The following NHSL1 variants were observed in gnomAD, a reference collection of about 807,000 sequenced individuals.
The protein encoded by NHSL1 is NHS like 1, also known as NHS-like protein 1.
Under a neutral mutation model 95.0 loss-of-function variants are expected in NHSL1, and 48 were observed. The observed-to-expected ratio is 0.51, with a 90% CI of 0.40 to 0.64. NHSL1 has a LOEUF of 0.64. Among genes scored for constraint, NHSL1 ranks in the 30% least tolerant of loss-of-function variants. NHSL1 has a pLI of 0.00. For missense variants in NHSL1, 1,971 were observed against 2,077.7 expected (o/e 0.95, Z 1.00); for synonymous variants, 783 against 833.9 (o/e 0.94, Z 1.05).
intron 1 of NHSL1, among the ~76,000 whole-genome samples, chr6:138,595,050 C>T (rs1477019370): frequency 2.0e-5 from 3 of 152,320 alleles, no homozygotes; most frequent in South Asian, 2.1e-4. Flanking sequence ...AAATTCAAAA[C>T]CAGAGATTCC....
chr6:138,637,404 T>C (rs1784901577), intron 1 of NHSL1, among the ~76,000 whole-genome samples: 1 of 152,102 alleles, frequency 6.6e-6, no homozygotes, highest in Non-Finnish European at 1.5e-5. Flanking sequence ...TTGGATCACA[T>C]CAAGTTAAAA....
At chr6:138,574,173 C>T (rs1244737784), upstream of NHSL1, among the ~76,000 whole-genome samples, 1 of 152,140 alleles carries the variant, frequency 6.6e-6, no homozygotes, top group South Asian at 2.1e-4. Context: ...CTTTGTGATC[C>T]GCCTGCCTTG....
At chr6:138,590,587 C>A (rs7770857) in intron 1 of NHSL1, among the ~76,000 whole-genome samples, 1 of 152,148 alleles carries the variant, frequency 6.6e-6, no homozygotes. Flanking sequence ...CCAAGCTCCT[C>A]TGCCTTCCAT....
At chr6:138,631,094 G>A (rs1784813280) in intron 1 of NHSL1, among the ~76,000 whole-genome samples, 1 of 152,160 alleles carries the variant, frequency 6.6e-6, no homozygotes, top group Non-Finnish European at 1.5e-5. Flanking sequence ...ACTGAACTCA[G>A]TGCTGCTCTG....
chr6:138,457,595 T>C (rs904191924), intron 3 of NHSL1, among the ~76,000 whole-genome samples: 1 of 152,198 alleles, frequency 6.6e-6, no homozygotes, highest in African/African-American at 2.4e-5. Flanking sequence ...AATACCTCTT[T>C]TAAAGTCAAT....
At chr6:138,493,655 C>T (rs1780197395) in intron 2 of NHSL1, among the ~76,000 whole-genome samples, 2 of 152,248 alleles carry the variant, frequency 1.3e-5, no homozygotes, top group African/African-American at 4.8e-5. Context: ...TAATGAGGCA[C>T]TGCCTCGGGG....
At chr6:138,429,240 A>C (rs1775464168) in intron 7 of NHSL1, among the ~76,000 whole-genome samples, 1 of 152,204 alleles carries the variant, frequency 6.6e-6, no homozygotes, top group African/African-American at 2.4e-5. Flanking sequence ...TAAGCAGCCA[A>C]AGAAATTGCT....
chr6:138,490,527 G>A (rs1187036995), intron 2 of NHSL1, among the ~76,000 whole-genome samples: 1 of 152,216 alleles, frequency 6.6e-6, no homozygotes, highest in Non-Finnish European at 1.5e-5. Context: ...GAGGCTTCAT[G>A]ACAACTAAGG....
chr6:138,691,969 G>A (rs1357635052), intron 1 of NHSL1: 4 of 456,698 alleles, frequency 8.8e-6, no homozygotes, highest in Non-Finnish European at 1.8e-5. Flanking sequence ...AAGAACACAG[G>A]TAGGCGGCGG....
chr6:138,635,078 TAA>T (rs1157212246), intron 1 of NHSL1, among the ~76,000 whole-genome samples: 5 of 140,040 alleles, frequency 3.6e-5, no homozygotes, highest in African/African-American at 7.8e-5. Context: ...GTACCTACAT[TAA>T]AAAAAAAAAA....
rs1240462041 is a variant in NHSL1 at position 138,499,331 on chromosome 6, T to C, written c.-41A>G. 3 of 1,548,022 alleles carry C rather than the reference T, an allele frequency of 1.9e-6. No individual in the cohort carries two copies. The highest frequency in any genetic ancestry group is 2.4e-5 in the South Asian group (2 of 83,854). On this transcript the variant is annotated 5_prime_UTR_variant, in exon 1 of 8. It removes an upstream start codon present in the reference 5' UTR. Transcript: ENST00000343505. ...ATAGAGCTTAGAAATGTAAATCACATTAAAAGCTCAGCCCAGTAGGCAGGT... is the reference window on the plus strand; with the variant it reads ...ATAGAGCTTAGAAATGTAAATCACACTAAAAGCTCAGCCCAGTAGGCAGGT...
intron 1 of NHSL1, among the ~76,000 whole-genome samples, chr6:138,566,901 T>A (rs1424365365): frequency 6.6e-6 from 1 of 152,166 alleles, no homozygotes; most frequent in Non-Finnish European, 1.5e-5. Context: ...AGCAAAACCA[T>A]GACATTCACT....
chr6:138,656,169 C>A (rs1319321287), intron 1 of NHSL1, among the ~76,000 whole-genome samples: 1 of 152,220 alleles, frequency 6.6e-6, no homozygotes, highest in African/African-American at 2.4e-5. Flanking sequence ...GGTATCTTTA[C>A]AAACATGAAT....
intron 1 of NHSL1, among the ~76,000 whole-genome samples, chr6:138,682,003 C>T (rs558480381): frequency 2.1e-5 from 3 of 143,500 alleles, no homozygotes; most frequent in South Asian, 2.2e-4. Flanking sequence ...TTTTCTGAGA[C>T]GGAGTTTTGA....
chr6:138,640,789 C>G (rs1784949966), intron 1 of NHSL1, among the ~76,000 whole-genome samples: 1 of 152,128 alleles, frequency 6.6e-6, no homozygotes, highest in Non-Finnish European at 1.5e-5. Context: ...CCCCCACCCC[C>G]AGTTGTTCAA....
At chr6:138,651,119 T>C (rs1291628574) in intron 1 of NHSL1, 1 of 344,670 alleles carries the variant, frequency 2.9e-6, no homozygotes, top group Non-Finnish European at 5.6e-6. Context: ...ACCAACTTAA[T>C]GTAATATCTA....
chr6:138,602,750 T>C (rs1182332518), intron 1 of NHSL1, among the ~76,000 whole-genome samples: 3 of 152,238 alleles, frequency 2.0e-5, no homozygotes, highest in Non-Finnish European at 4.4e-5. Flanking sequence ...GCATTTATCA[T>C]TTCCCATGGA....
At chr6:138,627,903 A>T (rs111664097) in intron 1 of NHSL1, among the ~76,000 whole-genome samples, 1,804 of 152,210 alleles carry the variant, frequency 0.012, 11 homozygotes, top group Non-Finnish European at 0.018. Flanking sequence ...AAAAAAATTT[A>T]AAAAATTTAT....
At chr6:138,496,131 T>C (rs976742184) in intron 2 of NHSL1, 88 bp downstream of exon 2, 1 of 1,335,906 alleles carries the variant, frequency 7.5e-7, no homozygotes, top group African/African-American at 1.5e-5. Flanking sequence ...TCAATAAAAG[T>C]AGAGCTGGTT....
Sources: allele counts gnomAD v4.1 joint callset (sites outside exome capture counted in the v4.1 genomes callset), GRCh38; gene constraint gnomAD v4.1.1; transcripts MANE v1.5; gene names NCBI Gene and HGNC (gene_info 2026-07-23, HGNC 2026-07-21).